The following MYO1D variants were observed in gnomAD, a reference collection of about 807,000 sequenced individuals.
MYO1D encodes unconventional myosin-Id.
Under a neutral mutation model 122.0 loss-of-function variants are expected in MYO1D, and 83 were observed. That is an observed-to-expected ratio of 0.68 (90% CI 0.57 to 0.82). The LOEUF (loss-of-function observed/expected upper bound fraction) is 0.82, where lower values mean the gene tolerates loss of function less well. MYO1D is among the 40% of genes least tolerant of loss of function. The pLI is 0.00. For synonymous variants in MYO1D, 464 were observed against 446.9 expected, an observed-to-expected ratio of 1.04 and a Z score of -0.48; for missense variants, 1,157 against 1,269.5, an observed-to-expected ratio of 0.91 and a Z score of 1.35.
intron 20 of MYO1D, among the ~76,000 whole-genome samples, chr17:32,629,343 A>G (rs1009137928): frequency 6.6e-6 from 1 of 152,198 alleles, no homozygotes; most frequent in Admixed American, 6.5e-5. Flanking sequence ...AGAACTCAAC[A>G]GCATCAAGAG....
intron 1 of MYO1D, among the ~76,000 whole-genome samples, chr17:32,871,471 T>C (rs2091179832): frequency 6.6e-6 from 1 of 152,210 alleles, no homozygotes; most frequent in Admixed American, 6.5e-5. Flanking sequence ...AGCTTTGGCA[T>C]GCACAGTGCT....
rs151157172 is a variant in MYO1D at position 32,851,611 on chromosome 17, G to A, written c.95+25167C>T. On this transcript the variant is annotated intron_variant, in intron 1 of 21. Coordinates refer to ENST00000318217, the MANE Select transcript of MYO1D (RefSeq NM_015194.3). Reference sequence around the variant, plus strand: ...TTGCTTCTGTGATCTCTCTACAGCAGTGGTCCCCAACCTTTTGTGCACCAG... The same window carrying A: ...TTGCTTCTGTGATCTCTCTACAGCAATGGTCCCCAACCTTTTGTGCACCAG... 1.3e-3 allele frequency among the ~76,000 whole-genome samples: 201 copies of A among 152,318 alleles called. 1 individual carries two copies. In the South Asian group the frequency reaches 0.013, roughly 10 times the overall value.
chr17:32,548,014 T>C (rs1331408095), intron 21 of MYO1D, among the ~76,000 whole-genome samples: 1 of 151,982 alleles, frequency 6.6e-6, no homozygotes, highest in Non-Finnish European at 1.5e-5. Context: ...TTAATTTCCT[T>C]AGTTTGTTCT....
At chr17:32,802,222 A>C (rs572118746) in intron 1 of MYO1D, among the ~76,000 whole-genome samples, 1 of 152,356 alleles carries the variant, frequency 6.6e-6, no homozygotes, top group South Asian at 2.1e-4. Context: ...AGATGCCTAC[A>C]CATCACCACA....
At chr17:32,831,689 T>C (rs550513531) in intron 1 of MYO1D, among the ~76,000 whole-genome samples, 112 of 152,366 alleles carry the variant, frequency 7.4e-4, no homozygotes, top group Non-Finnish European at 1.2e-3. Context: ...GTTAAAACAA[T>C]GTACTGCATT....
At chr17:32,596,067 G>A (rs2087489242) in intron 21 of MYO1D, among the ~76,000 whole-genome samples, 1 of 152,186 alleles carries the variant, frequency 6.6e-6, no homozygotes, top group Admixed American at 6.5e-5. Context: ...AGAGGAAAGT[G>A]AATTGTGGCC....
At chr17:32,713,062 C>T (rs923962140) in intron 15 of MYO1D, among the ~76,000 whole-genome samples, 1 of 152,188 alleles carries the variant, frequency 6.6e-6, no homozygotes, top group African/African-American at 2.4e-5. Context: ...CACATGTAGT[C>T]AAATTTAGTT....
At chr17:32,748,867 T>A in intron 12 of MYO1D, 69 bp downstream of exon 12, 1 of 1,380,360 alleles carries the variant, frequency 7.2e-7, no homozygotes, top group Non-Finnish European at 1.0e-6. Flanking sequence ...AATTTACATT[T>A]TTCCTGGTTG....
intron 21 of MYO1D, chr17:32,497,581 C>T (rs1440268300): frequency 6.6e-6 from 1 of 152,294 alleles, no homozygotes; most frequent in Non-Finnish European, 1.5e-5. Flanking sequence ...AAACCTTTTC[C>T]TCCTGCCCTC....
At chr17:32,684,518 A>G (rs1160194784) in intron 16 of MYO1D, among the ~76,000 whole-genome samples, 2 of 152,170 alleles carry the variant, frequency 1.3e-5, no homozygotes, top group African/African-American at 4.8e-5. Context: ...TAGACTAAAT[A>G]TCTTTATTTG....
chr17:32,634,320 A>G (rs557826502), intron 20 of MYO1D, among the ~76,000 whole-genome samples: 22 of 152,304 alleles, frequency 1.4e-4, no homozygotes, highest in Middle Eastern at 3.4e-3. Flanking sequence ...GGGGGTGTGC[A>G]ATTGGCTGCA....
In MYO1D at chr17:32,493,125, A is replaced by C. The variant is rs1908946010; in HGVS notation, c.*1634T>G. ...CAGTTAGATGGTTCCACTAGTGTCT[A>C]CTGGTAATTGGCAAAACTATGAGTG... On this transcript the variant is annotated 3_prime_UTR_variant, in exon 22 of 22. Coordinates refer to ENST00000318217, the MANE Select transcript of MYO1D (RefSeq NM_015194.3). 1 of 152,490 alleles carries C rather than the reference A, an allele frequency of 6.6e-6. No homozygotes were observed. Among genetic ancestry groups the C allele is most frequent in the Non-Finnish European group, 1.5e-5 (1 of 68,050 alleles). 9.4% of individuals were successfully genotyped at this position (152,490 alleles called of 1,614,324 possible).
chr17:32,579,124 G>A (rs576432597), intron 21 of MYO1D, among the ~76,000 whole-genome samples: 10 of 151,938 alleles, frequency 6.6e-5, no homozygotes, highest in East Asian at 1.9e-4. Flanking sequence ...GCGAGAGTGC[G>A]GTGGAATGGT....
At chr17:32,695,625 A>G (rs1307719475) in intron 16 of MYO1D, among the ~76,000 whole-genome samples, 1 of 152,240 alleles carries the variant, frequency 6.6e-6, no homozygotes, top group African/African-American at 2.4e-5. Flanking sequence ...ACAACAATGT[A>G]ACAAATACCC....
At position 32,540,923 on chromosome 17, in the gene MYO1D, C is replaced by CAA. The variant is rs33945323; in HGVS notation, c.2865-46010_2865-46009dup. Among the ~76,000 whole-genome samples the CAA allele has an allele frequency of 1.9e-3, 158 of 83,650 alleles. 2 individuals carry two copies. The highest frequency in any genetic ancestry group is 5.4e-3 in the African/African-American group (134 of 24,902). The allele number at this position is 83,650 out of a possible 152,430, so 54.9% of individuals were successfully genotyped here. A position where few individuals can be genotyped will look rare whatever the true frequency, so the allele number is the denominator to read the frequency against. The stretch of plus-strand genomic sequence containing the variant: ...CCTGGGTGACAGAGTGACTTCGTCT[C>CAA]AAAAAAAAAAAAAAAAAAAAAGACA... On this transcript the variant is annotated intron_variant, in intron 21 of 21. Transcript: ENST00000318217.
intron 16 of MYO1D, among the ~76,000 whole-genome samples, chr17:32,687,785 G>A (rs2640842): frequency 0.61 from 92,367 of 152,094 alleles, 28,661 homozygotes; most frequent in Middle Eastern, 0.74. Flanking sequence ...AAGAAATCTT[G>A]TAAATCCAGA....
intron 1 of MYO1D, among the ~76,000 whole-genome samples, chr17:32,790,533 G>C (rs186253818): frequency 5.5e-4 from 84 of 152,274 alleles, no homozygotes; most frequent in Non-Finnish European, 1.2e-4. Context: ...AAGGAATAGA[G>C]GACATATCTA....
At chr17:32,807,162 C>G (rs1250144510) in intron 1 of MYO1D, among the ~76,000 whole-genome samples, 1 of 152,058 alleles carries the variant, frequency 6.6e-6, no homozygotes, top group Non-Finnish European at 1.5e-5. Flanking sequence ...AATTAATACA[C>G]AATAATCCTA....
chr17:32,525,605 G>C (rs148844071), intron 21 of MYO1D, among the ~76,000 whole-genome samples: 1 of 152,104 alleles, frequency 6.6e-6, no homozygotes, highest in African/African-American at 2.4e-5. Context: ...GCCGAGAAGC[G>C]ATCAGAACCC....
Sources: gnomAD v4.1 joint callset for allele counts (sites outside exome capture counted in the v4.1 genomes callset) on GRCh38, gnomAD v4.1.1 for gene constraint, MANE v1.5 for transcripts, NCBI Gene and HGNC (gene_info 2026-07-23, HGNC 2026-07-21) for gene names.